IGF2R: variants seen among roughly 807,000 people sequenced by gnomAD.
IGF2R encodes the protein insulin like growth factor 2 receptor, also known as cation-independent mannose-6-phosphate receptor.
In IGF2R, 91 loss-of-function variants were observed where a neutral mutation model predicts 270.6. That is an observed-to-expected ratio of 0.34 (90% CI 0.28 to 0.40). The LOEUF (loss-of-function observed/expected upper bound fraction) is 0.40. IGF2R is among the 10% of genes least tolerant of loss of function. The probability of loss-of-function intolerance (pLI) is 1.00; values close to 1 mark genes in which losing one functional copy is unlikely to be tolerated. For missense variants in IGF2R, 2,805 were observed against 3,188.3 expected (o/e 0.88, Z 2.90); for synonymous variants, 1,316 against 1,258.9 (o/e 1.05, Z -0.96).
chr6:160,010,453 A>G, intron 3 of IGF2R: 1 of 413,744 alleles, frequency 2.4e-6, no homozygotes. Context: ...GGGGCGGTAG[A>G]ATTCCTTTGG....
At chr6:160,057,267 A>G (rs1377171881) in intron 20 of IGF2R, among the ~76,000 whole-genome samples, 1 of 152,206 alleles carries the variant, frequency 6.6e-6, no homozygotes, top group East Asian at 1.9e-4. Context: ...TGCACCCTGC[A>G]GGGCATAGTA....
chr6:160,048,029 C>G, intron 17 of IGF2R, 122 bp downstream of exon 17: 1 of 725,250 alleles, frequency 1.4e-6, no homozygotes, highest in Non-Finnish European at 2.5e-6. Flanking sequence ...GCTGCAGGAC[C>G]AAGGTGGGGC....
At position 160,044,497 on chromosome 6, in the gene IGF2R, C is replaced by G. The variant is rs1441439717; in HGVS notation, c.1622-17C>G. ...TTTTTAACCACATCTTCTGTTTTCT[C>G]CCCCTTTCTCTTCCAGATAAAAATG... is the stretch of plus-strand genomic sequence containing the variant. On this transcript the variant is annotated splice_polypyrimidine_tract_variant and intron_variant, in intron 12 of 47. Transcript: ENST00000356956. The G allele has an allele frequency of 1.3e-6, 2 of 1,583,238 alleles. No homozygotes were observed. Among genetic ancestry groups the G allele is most frequent in the African/African-American group, 2.7e-5 (2 of 74,142 alleles).
At chr6:160,049,997 T>C (rs753102749) in intron 18 of IGF2R, among the ~76,000 whole-genome samples, 30 of 152,160 alleles carry the variant, frequency 2.0e-4, no homozygotes, top group Non-Finnish European at 3.4e-4. Context: ...GGGGATTGTT[T>C]ATTGGTAGAA....
At position 160,084,528 on chromosome 6, in the gene IGF2R, G is replaced by A. The variant is rs1303251483; in HGVS notation, c.6068+344G>A. Among the ~76,000 whole-genome samples, 1 of 152,200 alleles carries A rather than the reference G, an allele frequency of 6.6e-6. No individual in the cohort carries two copies. The highest frequency in any genetic ancestry group is 1.5e-5 in the Non-Finnish European group (1 of 68,038). On this transcript the variant is annotated intron_variant, in intron 40 of 47. Transcript: ENST00000356956. This position sits in a 1 kb window ranked among gnomAD's most constrained non-coding sequence, Gnocchi z 4.6. ...GGGTTTTCTCGGGTCTTTGGCAGGAGCTCCTTAGGCTTTGCTGGCTGGGGT... is the reference window on the plus strand; with the variant it reads ...GGGTTTTCTCGGGTCTTTGGCAGGAACTCCTTAGGCTTTGCTGGCTGGGGT...
At chr6:160,081,704 T>C (rs1778986590) in intron 39 of IGF2R, among the ~76,000 whole-genome samples, 1 of 152,212 alleles carries the variant, frequency 6.6e-6, no homozygotes, top group African/African-American at 2.4e-5. Flanking sequence ...CTCCCGGGAA[T>C]GCATTCTTTT....
chr6:160,047,558 T>C (rs756067128), intron 16 of IGF2R, among the ~76,000 whole-genome samples: 1 of 152,164 alleles, frequency 6.6e-6, no homozygotes, highest in Non-Finnish European at 1.5e-5. Flanking sequence ...GTACAAAACA[T>C]ACAAAAGCAT....
In IGF2R at chr6:160,033,107, G is replaced by T. The variant is rs201726467; in HGVS notation, c.1211G>T (p.Arg404Leu). Residue 404 changes from arginine (R) to leucine (L), a missense_variant and splice_region_variant, in exon 9 of 48, where the codon CGA becomes CTA. Arg to Leu is a moderately radical substitution (Grantham distance 102). Around this residue, in one of 2 missense-constraint regions of IGF2R, gnomAD observed 954 missense variants for 981.1 expected, o/e 0.97. Transcript: ENST00000356956. ...AAGRYHNQTL[R>L]YSDGDLTLIY... ...GGAAGATACCACAATCAGACCCTCCGGTACGTCAACAACCTCTGTGCGATT... is the reference window on the plus strand; with the variant it reads ...GGAAGATACCACAATCAGACCCTCCTGTACGTCAACAACCTCTGTGCGATT... 1.9e-6 allele frequency: 3 copies of T among 1,609,246 alleles called. No individual in the cohort carries two copies. Among genetic ancestry groups the T allele is most frequent in the Middle Eastern group, 1.7e-4 (1 of 6,056 alleles).
chr6:160,069,292 G>A (rs1778662759), intron 30 of IGF2R, among the ~76,000 whole-genome samples: 1 of 152,128 alleles, frequency 6.6e-6, no homozygotes, highest in Non-Finnish European at 1.5e-5. Flanking sequence ...CATCTTGGGT[G>A]GCTCACCTCA....
rs369933452 is a variant in IGF2R at position 160,032,683 on chromosome 6, A to G, written c.1015A>G (p.Ile339Val). 63 of 1,614,024 alleles carry G rather than the reference A, an allele frequency of 3.9e-5. No individual in the cohort carries two copies. The highest frequency in any genetic ancestry group is 1.6e-4 in the Middle Eastern group (1 of 6,084). Residue 339 changes from isoleucine to valine, a missense_variant, in exon 8 of 48, where the codon ATA (isoleucine) becomes GTA (valine). Around this residue, in one of 2 missense-constraint regions of IGF2R, gnomAD observed 954 missense variants for 981.1 expected, o/e 0.97. Transcript: ENST00000356956. Reference protein sequence around the residue: ...SLSGEQQDVSIDLTPLAQSGG... With the variant: ...SLSGEQQDVSVDLTPLAQSGG... ...GAGCGGCGAGCAGCAGGATGTCTCC[A>G]TAGACCTCACACCACTTGCCCAGAG... is the stretch of plus-strand genomic sequence containing the variant.
chr6:160,090,126 G>A, intron 44 of IGF2R, 23 bp downstream of exon 44: 2 of 1,422,144 alleles, frequency 1.4e-6, no homozygotes, highest in Non-Finnish European at 1.9e-6. Flanking sequence ...TTCCCACAAA[G>A]TTCCACATTT....
chr6:160,079,911 G>T, intron 38 of IGF2R, 124 bp downstream of exon 38: 1 of 1,010,962 alleles, frequency 9.9e-7, no homozygotes, highest in Admixed American at 2.6e-5. Flanking sequence ...CCTTGGGCGT[G>T]AATGTGAGCT....
At position 160,040,588 on chromosome 6, in the gene IGF2R, C is replaced by T; in HGVS notation, c.1344C>T (p.Phe448=). ...AGNDGKGTPV[F]TGEVDCTYFF... ...ACGATGGGAAAGGAACTCCTGTATTCACAGGGGAGGTTGACTGCACCTACT... is the reference window on the plus strand; with the variant it reads ...ACGATGGGAAAGGAACTCCTGTATTTACAGGGGAGGTTGACTGCACCTACT... Residue 448 remains phenylalanine, a synonymous_variant, in exon 11 of 48, where the codon TTC becomes TTT. Coordinates refer to ENST00000356956, the MANE Select transcript of IGF2R (RefSeq NM_000876.4). The T allele has an allele frequency of 6.2e-7, 1 of 1,613,956 alleles. No individual in the cohort carries two copies. Among genetic ancestry groups the T allele is most frequent in the Non-Finnish European group, 8.5e-7 (1 of 1,179,812 alleles).
chr6:160,084,933 C>A lies in IGF2R; in HGVS notation c.6069-62C>A. ...TCTGAAAGTAAAGTGAAGAGCCCTC[C>A]TGTGTCAGGGCAGAGACGTCACTTG... On this transcript the variant is annotated intron_variant, in intron 40 of 47. Coordinates refer to ENST00000356956, the MANE Select transcript of IGF2R (RefSeq NM_000876.4). The surrounding 1 kb of genome is among the most constrained non-coding windows in gnomAD (Gnocchi z 4.6). 1 of 1,526,174 alleles carries A rather than the reference C, an allele frequency of 6.6e-7. No homozygotes were observed. The highest frequency in any genetic ancestry group is 9.0e-7 in the Non-Finnish European group (1 of 1,114,486). 94.5% of individuals were successfully genotyped at this position (1,526,174 alleles called of 1,614,324 possible). A position where few individuals can be genotyped will look rare whatever the true frequency, so the allele number is the denominator to read the frequency against.
At chr6:160,013,458 T>G (rs1283845530) in intron 4 of IGF2R, among the ~76,000 whole-genome samples, 1 of 150,726 alleles carries the variant, frequency 6.6e-6, no homozygotes, top group African/African-American at 2.4e-5. Context: ...TTCTAAATAG[T>G]TTTTGGGGTG....
chr6:159,969,410 C>T lies in IGF2R; in HGVS notation c.149+15C>T. On this transcript the variant is annotated intron_variant, in intron 1 of 47. Coordinates refer to ENST00000356956, the MANE Select transcript of IGF2R (RefSeq NM_000876.4). ...GAGCTGTGCAGGTGGGTGGCCCGCC[C>T]GGACGCAGGCTCCGCTCGCGGTGCC... The T allele has an allele frequency of 1.6e-6, 2 of 1,213,480 alleles. No individual in the cohort carries two copies. The highest frequency in any genetic ancestry group is 3.7e-5 in the South Asian group (1 of 26,766). The allele number at this position is 1,213,480 out of a possible 1,614,324, so 75.2% of individuals were successfully genotyped here.
At chr6:160,005,171 G>C (rs8191718) in intron 2 of IGF2R, 10 of 152,254 alleles carry the variant, frequency 6.6e-5, no homozygotes, top group African/African-American at 2.4e-5. Flanking sequence ...GAAAAACAAC[G>C]AACAGCTTTG....
At chr6:160,049,393 CA>C (rs3839346) in intron 18 of IGF2R, among the ~76,000 whole-genome samples, 2 of 152,280 alleles carry the variant, frequency 1.3e-5, no homozygotes, top group East Asian at 3.9e-4. Context: ...TAGTACCCGA[CA>C]AGCCTGTTCC....
intron 2 of IGF2R, chr6:160,003,519 C>A (rs1387265106): frequency 6.6e-6 from 1 of 152,188 alleles, no homozygotes; most frequent in Non-Finnish European, 1.5e-5. Flanking sequence ...TATGCTGGAA[C>A]AATCTACTGT....
Sources: gnomAD v4.1 joint callset for allele counts (sites outside exome capture counted in the v4.1 genomes callset) on GRCh38, gnomAD v4.1.1 for gene constraint, gnomAD v4.1.1 regional missense constraint, Gnocchi (gnomAD v3.1) non-coding constraint, MANE v1.5 for transcripts, NCBI Gene and HGNC (gene_info 2026-07-23, HGNC 2026-07-21) for gene names.